Variants in PISD observed in about 807,000 individuals in gnomAD.
PISD encodes phosphatidylserine decarboxylase, also known as phosphatidylserine decarboxylase proenzyme, mitochondrial.
A neutral mutation model predicts 43.5 loss-of-function variants in PISD; 31 were observed. The observed-to-expected ratio is 0.71, with a 90% CI of 0.54 to 0.96. The LOEUF (loss-of-function observed/expected upper bound fraction) is 0.96, where lower values mean the gene tolerates loss of function less well. Ranked by LOEUF, PISD falls within the 40% of genes least tolerant of loss-of-function variation. The pLI, the probability that PISD is intolerant of heterozygous loss-of-function variation, is 0.00. For missense variants in PISD, 523 were observed against 548.4 expected (o/e 0.95, Z 0.46); for synonymous variants, 259 against 228.7 (o/e 1.13, Z -1.20).
intron 3 of PISD, among the ~76,000 whole-genome samples, chr22:31,634,909 G>A (rs112130465): frequency 0.044 from 6,661 of 151,330 alleles, 129 homozygotes; most frequent in Non-Finnish European, 0.05. Context: ...ACTCATGCCT[G>A]TAATCCCAAC....
intron 3 of PISD, chr22:31,625,619 C>T (rs1254820668): frequency 3.8e-6 from 4 of 1,043,304 alleles, no homozygotes; most frequent in Non-Finnish European, 5.6e-6. Flanking sequence ...TCAGGCCCCC[C>T]AGGCCAGGCT....
chr22:31,662,399 C>A, upstream of PISD: 3 of 603,976 alleles, frequency 5.0e-6, no homozygotes, highest in Non-Finnish European at 8.9e-6. Context: ...ACTAGTGGAG[C>A]TGTAGGTTTC....
At chr22:31,653,289 C>A (rs2074081960) in intron 1 of PISD, among the ~76,000 whole-genome samples, 1 of 152,088 alleles carries the variant, frequency 6.6e-6, no homozygotes, top group Admixed American at 6.6e-5. Flanking sequence ...AGCCTAAAAC[C>A]CTGCTTTCTA....
At chr22:31,654,735 C>T (rs1271875111) in intron 1 of PISD, among the ~76,000 whole-genome samples, 2 of 152,124 alleles carry the variant, frequency 1.3e-5, no homozygotes, top group South Asian at 2.1e-4. Context: ...CTTACCCCCA[C>T]CAGCCAGCTT....
chr22:31,619,331 G>A lies in PISD; in HGVS notation c.*281C>T, dbSNP rs532850581. 5.0e-5 allele frequency: 24 copies of A among 477,282 alleles called. No individual in the cohort carries two copies. Among genetic ancestry groups the A allele is most frequent in the Middle Eastern group, 6.1e-4 (1 of 1,630 alleles). The allele number at this position is 477,282 out of a possible 1,614,324, so 29.6% of individuals were successfully genotyped here. The stretch of plus-strand genomic sequence containing the variant: ...ATGCAGGCTCTTCCGTCTATACAGT[G>A]TTTAAAAAGATCCAAATGTGACTGA... On this transcript the variant is annotated 3_prime_UTR_variant, in exon 8 of 8. Transcript: ENST00000439502.
chr22:31,638,940 C>A (rs2073605265), intron 3 of PISD, among the ~76,000 whole-genome samples: 1 of 151,380 alleles, frequency 6.6e-6, no homozygotes, highest in Non-Finnish European at 1.5e-5. Flanking sequence ...CGTGGTGAGC[C>A]CTGCTCACAC....
At chr22:31,623,848 ACC>A (rs771350760) in intron 3 of PISD, 1 of 1,612,682 alleles carries the variant, frequency 6.2e-7, no homozygotes, top group Non-Finnish European at 8.5e-7. Flanking sequence ...GGGAAGTGCA[ACC>A]TGCAGGGCAC....
At chr22:31,625,645 G>T in intron 3 of PISD, 1 of 1,310,410 alleles carries the variant, frequency 7.6e-7, no homozygotes, top group Non-Finnish European at 1.1e-6. Context: ...AGCCTCGGGG[G>T]CTGACCACCA....
In PISD at chr22:31,650,496, T is replaced by G. The variant is rs992429184; in HGVS notation, c.145+203A>C. 6.8e-5 allele frequency among the ~76,000 whole-genome samples: 10 copies of G among 147,518 alleles called. No individual in the cohort carries two copies. The Admixed American group carries it at 7.0e-4, about 10-fold the overall frequency. On this transcript the variant is annotated intron_variant, in intron 2 of 7. Transcript: ENST00000439502. The stretch of plus-strand genomic sequence containing the variant: ...GTAAGCCGAGATTGCATCATTGCAT[T>G]CCAGCCTGGGCGACAGAGCAAGACT...
At chr22:31,628,791 C>T (rs890870682) in intron 3 of PISD, 34 of 982,600 alleles carry the variant, frequency 3.5e-5, no homozygotes, top group Admixed American at 6.1e-5. Context: ...AACAACTGCT[C>T]AGAAACCCCA....
chr22:31,657,533 A>T (rs950283476), intron 1 of PISD, among the ~76,000 whole-genome samples: 1 of 147,054 alleles, frequency 6.8e-6, no homozygotes, highest in Non-Finnish European at 1.5e-5. Flanking sequence ...TATTTTATAT[A>T]TTTTTTTGAG....
intron 1 of PISD, among the ~76,000 whole-genome samples, chr22:31,661,100 A>G (rs552139116): frequency 2.9e-5 from 4 of 136,012 alleles, no homozygotes; most frequent in East Asian, 2.0e-4. Flanking sequence ...AACATTGAAA[A>G]CAAAGTCTCC....
upstream of PISD, chr22:31,662,279 T>A (rs1278358714): frequency 3.4e-6 from 5 of 1,460,408 alleles, no homozygotes; most frequent in Non-Finnish European, 4.7e-6. Flanking sequence ...GTCACGAGTC[T>A]CGAGTTCAGT....
At chr22:31,653,943 T>C (rs1333729107) in intron 1 of PISD, among the ~76,000 whole-genome samples, 1 of 152,334 alleles carries the variant, frequency 6.6e-6, no homozygotes, top group Non-Finnish European at 1.5e-5. Flanking sequence ...CTGTCATTTC[T>C]TCAGTCTTAC....
intron 3 of PISD, chr22:31,638,457 G>A (rs2073583113): frequency 1.0e-6 from 1 of 984,768 alleles, no homozygotes; most frequent in African/African-American, 1.7e-5. Context: ...GGATGAAGTG[G>A]GGAAGTGGGG....
At chr22:31,649,915 G>C (rs2073986799) in intron 2 of PISD, among the ~76,000 whole-genome samples, 1 of 152,152 alleles carries the variant, frequency 6.6e-6, no homozygotes, top group Non-Finnish European at 1.5e-5. Context: ...AGGAATGCCA[G>C]AGATTGCCAG....
chr22:31,620,640 G>T lies in PISD; in HGVS notation c.918C>A (p.Val306=). The stretch of plus-strand genomic sequence containing the variant: ...AGCCATGTTTCCAGTCCCCCGTCAG[G>T]ACCACCCGCTCGTTATGGCAGAAGA... ...KELFCHNERV[V]LTGDWKHGFF... Residue 306 remains valine (V), a synonymous_variant, in exon 7 of 8, where the codon GTC becomes GTA. Coordinates refer to ENST00000439502, the MANE Select transcript of PISD (RefSeq NM_001326411.2). The T allele has an allele frequency of 6.2e-7, 1 of 1,614,198 alleles. No homozygotes were observed. The highest frequency in any genetic ancestry group is 8.5e-7 in the Non-Finnish European group (1 of 1,180,024).
At chr22:31,643,598 AAAAAC>A (rs1387157702) in intron 3 of PISD, among the ~76,000 whole-genome samples, 2 of 152,158 alleles carry the variant, frequency 1.3e-5, no homozygotes, top group African/African-American at 2.4e-5. Context: ...CCTGTCTCTG[AAAAAC>A]AAAACAAAAC....
intron 1 of PISD, among the ~76,000 whole-genome samples, chr22:31,657,111 A>G (rs1386378540): frequency 6.6e-6 from 1 of 152,162 alleles, no homozygotes; most frequent in East Asian, 1.9e-4. Flanking sequence ...TTTGTGTTAC[A>G]AACAATCCAG....
Sources: allele counts gnomAD v4.1 joint callset (sites outside exome capture counted in the v4.1 genomes callset), GRCh38; gene constraint gnomAD v4.1.1; transcripts MANE v1.5; gene names NCBI Gene and HGNC (gene_info 2026-07-23, HGNC 2026-07-21).